The following UBA1 variants were observed in gnomAD, a reference collection of about 807,000 sequenced individuals.
The protein encoded by UBA1 is ubiquitin like modifier activating enzyme 1, also known as ubiquitin-like modifier-activating enzyme 1.
Under a neutral mutation model 84.7 loss-of-function variants are expected in UBA1, and 4 were observed. The observed-to-expected ratio is 0.05, with a 90% CI of 0.02 to 0.11. The LOEUF is 0.11. UBA1 is among the 10% of genes least tolerant of loss of function. The probability of loss-of-function intolerance (pLI) is 1.00; values close to 1 mark genes in which losing one functional copy is unlikely to be tolerated. For missense variants in UBA1, 513 were observed against 902.8 expected (o/e 0.57, Z 5.53); for synonymous variants, 364 against 362.6 (o/e 1.00, Z -0.04).
chrX:47,213,467 C>T (rs1362507040), intron 23 of UBA1, among the ~76,000 whole-genome samples: 1 of 112,495 alleles, frequency 8.9e-6, no homozygotes, highest in Non-Finnish European at 1.9e-5. Flanking sequence ...TTAATGAATT[C>T]ACTCAAATAT....
At chrX:47,206,677 T>C in intron 16 of UBA1, 2 of 427,928 alleles carry the variant, frequency 4.7e-6, no homozygotes, top group South Asian at 7.0e-5. Flanking sequence ...ATATTAAGAA[T>C]ATTATGATGA....
At position 47,202,730 on chromosome X, in the gene UBA1, C is replaced by T. The variant is rs782140742; in HGVS notation, c.1149C>T (p.Ile383=). 2.1e-4 allele frequency: 258 copies of T among 1,210,041 alleles called. No individual in the cohort carries two copies. The highest frequency in any genetic ancestry group is 2.8e-4 in the Non-Finnish European group (251 of 894,954). ...AAAATAACCTGGACGAGGACCTCAT[C>T]CGGAAGCTGGCATATGTGGCTGCTG... ...VQQNNLDEDL[I]RKLAYVAAGD... The change falls in exon 11 of 26, where the codon ATC becomes ATT. Residue 383 remains isoleucine (I), a synonymous_variant. Transcript: ENST00000335972.
At chrX:47,210,311 C>T (rs1205783535) in intron 18 of UBA1, among the ~76,000 whole-genome samples, 188 bp downstream of exon 18, 1 of 111,880 alleles carries the variant, frequency 8.9e-6, no homozygotes, top group Non-Finnish European at 1.9e-5. Flanking sequence ...GGCTTGGTTG[C>T]TATTGCCCTT....
At chrX:47,203,345 C>A in intron 13 of UBA1, 131 bp downstream of exon 13, 1 of 839,827 alleles carries the variant, frequency 1.2e-6, no homozygotes, top group Non-Finnish European at 1.8e-6. Flanking sequence ...GAAGGGAAGC[C>A]CAGTGCATCC....
At chrX:47,201,696 G>GC in intron 8 of UBA1, 86 bp downstream of exon 8, 1 of 1,089,827 alleles carries the variant, frequency 9.2e-7, no homozygotes, top group South Asian at 1.9e-5. Flanking sequence ...AGAAGACATG[G>GC]CCCTTGGTTC....
chrX:47,202,344 T>TC lies in UBA1; in HGVS notation c.910-8dup, dbSNP rs1306979471. On this transcript the variant is annotated splice_polypyrimidine_tract_variant and intron_variant, in intron 9 of 25. Coordinates refer to ENST00000335972, the MANE Select transcript of UBA1 (RefSeq NM_003334.4). ...CCTCTCTTCTGGTTCTGATGACCTCTCCCCCCGCCACAGAAATCCTTGGTG... is the reference window on the plus strand; with the variant it reads ...CCTCTCTTCTGGTTCTGATGACCTCTCCCCCCCGCCACAGAAATCCTTGGTG... The TC allele has an allele frequency of 2.5e-6, 3 of 1,191,604 alleles. No homozygotes were observed. The highest frequency in any genetic ancestry group is 2.3e-5 in the Admixed American group (1 of 43,384).
chrX:47,200,106 G>A (rs1221770020), intron 5 of UBA1, among the ~76,000 whole-genome samples: 1 of 111,801 alleles, frequency 8.9e-6, no homozygotes, highest in Non-Finnish European at 1.9e-5. Context: ...TTTCAAGTGG[G>A]GAAGATGTGT....
chrX:47,192,330 T>C (rs887106578), upstream of UBA1, among the ~76,000 whole-genome samples: 3 of 111,244 alleles, frequency 2.7e-5, no homozygotes, highest in African/African-American at 9.8e-5. Context: ...CAGGCACTGG[T>C]CTAAGCCCTT....
chrX:47,194,352 A>T (rs1556784842), intron 1 of UBA1, among the ~76,000 whole-genome samples: 1 of 112,115 alleles, frequency 8.9e-6, no homozygotes, highest in Non-Finnish European at 1.9e-5. Flanking sequence ...TCTCCAATAG[A>T]GATTTACGTG....
intron 11 of UBA1, 62 bp from the exon 12 acceptor site, chrX:47,202,881 C>T: frequency 1.7e-6 from 2 of 1,199,457 alleles, no homozygotes; most frequent in South Asian, 3.6e-5. Context: ...GTCACTTGCT[C>T]TCTGTCTGTG....
At chrX:47,208,235 C>T (rs529161445) in intron 16 of UBA1, among the ~76,000 whole-genome samples, 1 of 113,041 alleles carries the variant, frequency 8.8e-6, no homozygotes, top group East Asian at 2.8e-4. Flanking sequence ...ACAATCATAG[C>T]TCACTGCAAC....
chrX:47,212,376 C>A, intron 20 of UBA1, 48 bp from the exon 21 acceptor site: 1 of 1,003,632 alleles, frequency 1.0e-6, no homozygotes, highest in Non-Finnish European at 1.4e-6. Context: ...CCATCTCAGA[C>A]CTTAGCCTGG....
chrX:47,193,573 T>C (rs782423284), upstream of UBA1, among the ~76,000 whole-genome samples: 173 of 112,643 alleles, frequency 1.5e-3, 2 homozygotes, highest in African/African-American at 5.2e-3. Context: ...TAACGGTTTT[T>C]CTTCGCTTCC....
rs782803679 is a variant in UBA1 at position 47,214,632 on chromosome X, T to C, written c.3036T>C (p.Asp1012=). 2 of 1,208,470 alleles carry C rather than the reference T, an allele frequency of 1.7e-6. No homozygotes were observed. The highest frequency in any genetic ancestry group is 4.4e-5 in the Admixed American group (2 of 45,806). ...CTGCCAAGCTCAAGGAACGGTTGGA[T>C]CAGCCGTGAGTTGGACACTGGCCAG... ...MPAAKLKERL[D]QPMTEIVSRV... Residue 1012 remains aspartate, a synonymous_variant, in exon 25 of 26, where the codon GAT becomes GAC. Transcript: ENST00000335972.
In UBA1 at chrX:47,215,031, T is replaced by G; in HGVS notation, c.*102T>G. On this transcript the variant is annotated 3_prime_UTR_variant, in exon 26 of 26. Coordinates refer to ENST00000335972, the MANE Select transcript of UBA1 (RefSeq NM_003334.4). ...TCTGGCAGTGGCCCAACTAGCCAAG[T>G]CTGGTGTTCCCTCATCATCCCCCTA... 12 of 1,120,514 alleles carry G rather than the reference T, an allele frequency of 1.1e-5. No individual in the cohort carries two copies. The highest frequency in any genetic ancestry group is 1.5e-5 in the Non-Finnish European group (12 of 824,474). The allele number at this position is 1,120,514 out of a possible 1,213,427, so 92.3% of individuals were successfully genotyped here. A position where few individuals can be genotyped will look rare whatever the true frequency, so the allele number is the denominator to read the frequency against.
chrX:47,205,316 T>C (rs1329872903), intron 14 of UBA1: 4 of 287,267 alleles, frequency 1.4e-5, no homozygotes, highest in South Asian at 1.0e-4. Context: ...CTGGTGGTGG[T>C]TGGGGGAGTC....
rs1193937471 is a variant in UBA1, at chrX:47,201,018, TC to T, written c.587+21del. ...CTGTTTGGGTGAGTGGCAGCCCACC[TC>T]CCTCCCTGTCCCCTTTTCCCCCAAC... On this transcript the variant is annotated intron_variant, in intron 6 of 25. Transcript: ENST00000335972. 9 of 1,135,170 alleles carry T rather than the reference TC, an allele frequency of 7.9e-6. No homozygotes were observed. In the East Asian group the frequency reaches 2.5e-4, roughly 32 times the overall value. 93.6% of individuals were successfully genotyped at this position (1,135,170 alleles called of 1,213,427 possible).
At chrX:47,195,399 A>G (rs1001870431) in intron 1 of UBA1, among the ~76,000 whole-genome samples, 12 of 110,850 alleles carry the variant, frequency 1.1e-4, no homozygotes, top group Non-Finnish European at 2.1e-4. Context: ...ACAGGCATGC[A>G]CCACCACGCC....
rs146180431 is a variant in UBA1 at position 47,202,413 on chromosome X, A to G, written c.965A>G (p.Lys322Arg). The change falls in exon 10 of 26, where the codon AAG becomes AGG. Residue 322 changes from lysine (K) to arginine (R), a missense_variant. Physicochemically the swap from Lys to Arg is conservative, Grantham distance 26 (BLOSUM62 2). This residue lies in a region of UBA1 where 227 missense variants were observed against 339.1 expected (regional missense o/e 0.67). Coordinates refer to ENST00000335972, the MANE Select transcript of UBA1 (RefSeq NM_003334.4). ...GACTTTGTGGTGACGGACTTCGCCA[A>G]GTTTTCTCGCCCTGCCCAGCTGCAC... Reference protein sequence around the residue: ...EPDFVVTDFAKFSRPAQLHIG... With the variant: ...EPDFVVTDFARFSRPAQLHIG... The G allele has an allele frequency of 2.9e-4, 352 of 1,208,857 alleles. No homozygotes were observed. Among genetic ancestry groups the G allele is most frequent in the Non-Finnish European group, 3.8e-4 (340 of 894,565 alleles).
Sources: gnomAD v4.1 joint callset for allele counts (sites outside exome capture counted in the v4.1 genomes callset) on GRCh38, gnomAD v4.1.1 for gene constraint, gnomAD v4.1.1 regional missense constraint, MANE v1.5 for transcripts, NCBI Gene and HGNC (gene_info 2026-07-23, HGNC 2026-07-21) for gene names.